The following ROCK2 variants were observed in gnomAD, a reference collection of about 807,000 sequenced individuals.
ROCK2 encodes Rho associated coiled-coil containing protein kinase 2.
In ROCK2, 61 loss-of-function variants were observed where a neutral mutation model predicts 195.1. That is an observed-to-expected ratio of 0.31 (90% confidence interval 0.25 to 0.39). ROCK2 has a LOEUF of 0.39. ROCK2 is among the 10% of genes least tolerant of loss of function. The pLI, the probability that ROCK2 is intolerant of heterozygous loss-of-function variation, is 1.00. For missense variants in ROCK2, 1,109 were observed against 1,637.4 expected, an observed-to-expected ratio of 0.68 and a Z score of 5.57; for synonymous variants, 504 against 545.5, an observed-to-expected ratio of 0.92 and a Z score of 1.06.
intron 3 of ROCK2, among the ~76,000 whole-genome samples, chr2:11,277,897 A>G (rs1047611839): frequency 1.2e-4 from 18 of 152,202 alleles, no homozygotes; most frequent in Non-Finnish European, 1.9e-4. Context: ...GGAATCATAG[A>G]GCATGATTTA....
intron 1 of ROCK2, among the ~76,000 whole-genome samples, chr2:11,328,343 G>C (rs1198847172): frequency 6.6e-6 from 1 of 152,172 alleles, no homozygotes; most frequent in African/African-American, 2.4e-5. Flanking sequence ...GGTTGATTTT[G>C]TATGCACATA....
chr2:11,328,454 T>C (rs985021237), intron 1 of ROCK2, among the ~76,000 whole-genome samples: 54 of 152,204 alleles, frequency 3.5e-4, no homozygotes, highest in African/African-American at 1.2e-3. Flanking sequence ...CTAGCACATA[T>C]AGTTAGCTTC....
At chr2:11,285,500 A>G (rs1667157263) in intron 3 of ROCK2, among the ~76,000 whole-genome samples, 1 of 152,110 alleles carries the variant, frequency 6.6e-6, no homozygotes, top group Non-Finnish European at 1.5e-5. Context: ...TGTATTACAT[A>G]AATTGCACTA....
At chr2:11,227,895 T>C (rs543850441) in intron 5 of ROCK2, among the ~76,000 whole-genome samples, 4 of 152,180 alleles carry the variant, frequency 2.6e-5, no homozygotes, top group Admixed American at 6.5e-5. Flanking sequence ...AATGAAGAAA[T>C]AGATCAAATG....
At position 11,298,985 on chromosome 2, in the gene ROCK2, G is replaced by C. The variant is rs543572748; in HGVS notation, c.142-11249C>G. 2.6e-5 allele frequency among the ~76,000 whole-genome samples: 4 copies of C among 151,886 alleles called. No homozygotes were observed. In the South Asian group the frequency reaches 6.3e-4, roughly 24 times the overall value. On this transcript the variant is annotated intron_variant, in intron 1 of 32. Coordinates refer to ENST00000315872, the MANE Select transcript of ROCK2 (RefSeq NM_004850.5). ...TATATTCCACATTAAAAAATCGCTG[G>C]AGGCCGGGCACGGTGGCTCACACCT...
At chr2:11,189,921 G>A (rs1663351373) in intron 32 of ROCK2, among the ~76,000 whole-genome samples, 2 of 152,058 alleles carry the variant, frequency 1.3e-5, no homozygotes. Flanking sequence ...GTTGGGCCTG[G>A]GAGGTCAAGG....
chr2:11,263,252 T>C (rs1666295858), intron 3 of ROCK2, among the ~76,000 whole-genome samples: 1 of 152,172 alleles, frequency 6.6e-6, no homozygotes, highest in Non-Finnish European at 1.5e-5. Flanking sequence ...CAGGAAGCAA[T>C]AAGCCCAGTG....
At chr2:11,198,463 A>T in intron 25 of ROCK2, 28 bp downstream of exon 25, 1 of 1,462,544 alleles carries the variant, frequency 6.8e-7, no homozygotes, top group East Asian at 2.3e-5. Flanking sequence ...CAAAATTCAA[A>T]ATCATATTTA....
chr2:11,209,205 G>A (rs975011915), intron 18 of ROCK2, among the ~76,000 whole-genome samples: 9 of 152,162 alleles, frequency 5.9e-5, no homozygotes, highest in Admixed American at 2.6e-4. Context: ...ATGTTTTAGG[G>A]AGGTGGTAAA....
rs139972880 is a variant in ROCK2 at position 11,201,029 on chromosome 2, T to C, written c.2838A>G (p.Lys946=). The part of the protein sequence containing the change: ...YSDLEKEKIM[K]ELEIKEMMAR... ...CCATCATCTCTTTGATCTCCAGCTC[T>C]TTCATGATCTTCTCTTTTTCCAAAT... Residue 946 remains lysine, a synonymous_variant, in exon 23 of 33, where the codon AAA becomes AAG. Coordinates refer to ENST00000315872, the MANE Select transcript of ROCK2 (RefSeq NM_004850.5). The surrounding 1 kb of genome is among the most constrained non-coding windows in gnomAD (Gnocchi z 4.6). The C allele has an allele frequency of 3.7e-5, 60 of 1,613,686 alleles. 1 individual carries two copies. In the African/African-American group the frequency reaches 7.7e-4, roughly 21 times the overall value.
At position 11,214,771 on chromosome 2, in the gene ROCK2, C is replaced by T. The variant is rs975404109; in HGVS notation, c.1936+69G>A. The T allele has an allele frequency of 3.6e-6, 5 of 1,373,518 alleles. No individual in the cohort carries two copies. The Admixed American group carries it at 8.0e-5, about 22-fold the overall frequency. 85.1% of individuals were successfully genotyped at this position (1,373,518 alleles called of 1,614,324 possible). A position where few individuals can be genotyped will look rare whatever the true frequency, so the allele number is the denominator to read the frequency against. On this transcript the variant is annotated intron_variant, in intron 16 of 32. Coordinates refer to ENST00000315872, the MANE Select transcript of ROCK2 (RefSeq NM_004850.5). ...GAAATGTCCAATCCAGCACACTATC[C>T]ATCATCTAAAGTTATTTTTAAAATA...
At chr2:11,277,345 G>T (rs554084355) in intron 3 of ROCK2, among the ~76,000 whole-genome samples, 3 of 152,118 alleles carry the variant, frequency 2.0e-5, no homozygotes, top group Admixed American at 6.5e-5. Flanking sequence ...TCCCCCATAG[G>T]TTATAGGTTA....
chr2:11,297,265 G>T (rs978387838), intron 1 of ROCK2, among the ~76,000 whole-genome samples: 1 of 151,970 alleles, frequency 6.6e-6, no homozygotes, highest in Non-Finnish European at 1.5e-5. Context: ...TGAAATTTTT[G>T]AATGGAAAGC....
intron 1 of ROCK2, among the ~76,000 whole-genome samples, chr2:11,319,325 T>A (rs1032505013): frequency 6.6e-6 from 1 of 152,216 alleles, no homozygotes; most frequent in Non-Finnish European, 1.5e-5. Flanking sequence ...TTCACATCCC[T>A]TGTAAGTTGG....
chr2:11,197,510 CA>C lies in ROCK2; in HGVS notation c.3279+15del. The C allele has an allele frequency of 6.2e-7, 1 of 1,607,352 alleles. No individual in the cohort carries two copies. On this transcript the variant is annotated intron_variant, in intron 26 of 32. Coordinates refer to ENST00000315872, the MANE Select transcript of ROCK2 (RefSeq NM_004850.5). The surrounding 1 kb of genome is among the most constrained non-coding windows in gnomAD (Gnocchi z 4.9). ...AAAAAGAAGTCTTCAGTCTAGAGTC[CA>C]AAAAGTATTCTTACTGCCTGCATTT...
intron 1 of ROCK2, among the ~76,000 whole-genome samples, chr2:11,342,489 G>A (rs1220316504): frequency 6.6e-6 from 1 of 152,190 alleles, no homozygotes; most frequent in Non-Finnish European, 1.5e-5. Flanking sequence ...AGATATCAAA[G>A]TGAATTGCAA....
chr2:11,295,966 A>AAGAGAGAGAGAGAGAGAGAGAGAGAGAG (rs11413362), intron 1 of ROCK2, among the ~76,000 whole-genome samples: 3 of 77,756 alleles, frequency 3.9e-5, no homozygotes, highest in African/African-American at 1.3e-4. Context: ...CAAAAAACAA[A>AAGAGAGAGAGAGAGAGAGAGAGAGAGAG]AGAGAGAGAG....
rs757896375 is a variant in ROCK2, at chr2:11,207,826, C to A, written c.2449G>T (p.Val817Phe). 6.2e-7 allele frequency: 1 copy of A among 1,611,840 alleles called. No individual in the cohort carries two copies. The highest frequency in any genetic ancestry group is 8.5e-7 in the Non-Finnish European group (1 of 1,178,572). ...TTTTCTGACATTTTTAGTGTGTTAA[C>A]CTGTTGTGTTTGCATCTTCAGGTCA... ...QNDLKMQTQQ[V>F]NTLKMSEKQL... Residue 817 changes from valine (V) to phenylalanine (F), a missense_variant, in exon 20 of 33, where the codon GTT becomes TTT. Physicochemically the swap from Val to Phe is conservative, Grantham distance 50 (BLOSUM62 -1). Transcript: ENST00000315872.
intron 1 of ROCK2, among the ~76,000 whole-genome samples, chr2:11,297,778 A>G (rs1284585077): frequency 6.6e-6 from 1 of 152,180 alleles, no homozygotes; most frequent in Non-Finnish European, 1.5e-5. Context: ...AGCCATGTGG[A>G]GGACACAGAG....
Sources: gnomAD v4.1 joint callset for allele counts (sites outside exome capture counted in the v4.1 genomes callset) on GRCh38, gnomAD v4.1.1 for gene constraint, Gnocchi (gnomAD v3.1) non-coding constraint, MANE v1.5 for transcripts, NCBI Gene and HGNC (gene_info 2026-07-23, HGNC 2026-07-21) for gene names.